The following GRIA3 variants were observed in gnomAD, a reference collection of about 807,000 sequenced individuals.
GRIA3 encodes the protein glutamate receptor 3.
In GRIA3, 3 loss-of-function variants were observed where a neutral mutation model predicts 63.0. The observed-to-expected ratio is 0.05, with a 90% confidence interval of 0.02 to 0.12. The LOEUF (loss-of-function observed/expected upper bound fraction) is 0.12, where lower values mean the gene tolerates loss of function less well. Ranked by LOEUF, GRIA3 falls within the 10% of genes least tolerant of loss-of-function variation. The probability of loss-of-function intolerance (pLI) is 1.00; values close to 1 mark genes in which losing one functional copy is unlikely to be tolerated. For synonymous variants in GRIA3, 274 were observed against 257.9 expected (o/e 1.06, Z -0.60); for missense variants, 347 against 700.9 (o/e 0.50, Z 5.70).
At chrX:123,286,364 G>C (rs1410667315) in intron 3 of GRIA3, among the ~76,000 whole-genome samples, 1 of 111,393 alleles carries the variant, frequency 9.0e-6, no homozygotes, top group African/African-American at 3.3e-5. Context: ...AAGAACTAGA[G>C]AAGCAAGAGC....
chrX:123,278,371 G>A (rs761967303), intron 3 of GRIA3, among the ~76,000 whole-genome samples: 4 of 112,215 alleles, frequency 3.6e-5, no homozygotes, highest in Non-Finnish European at 5.6e-5. Context: ...CATGCTGTAG[G>A]TTGTGTCCCC....
chrX:123,476,451 G>A (rs2045887598), intron 13 of GRIA3, among the ~76,000 whole-genome samples: 1 of 111,771 alleles, frequency 8.9e-6, no homozygotes, highest in East Asian at 2.8e-4. Flanking sequence ...CAGTAAGAAA[G>A]AAAACTATGT....
intron 5 of GRIA3, among the ~76,000 whole-genome samples, chrX:123,375,706 A>G (rs2045281182): frequency 8.9e-6 from 1 of 112,005 alleles, no homozygotes. Context: ...GCAATATGTG[A>G]TGGAAAAGTG....
intron 10 of GRIA3, among the ~76,000 whole-genome samples, chrX:123,411,082 G>A (rs2045502983): frequency 9.0e-6 from 1 of 111,550 alleles, no homozygotes; most frequent in Non-Finnish European, 1.9e-5. Context: ...CAATAAATCA[G>A]TTTAAGTCTT....
chrX:123,376,159 G>T lies in GRIA3; in HGVS notation c.751-18809G>T, dbSNP rs1252734370. Among the ~76,000 whole-genome samples the T allele has an allele frequency of 3.6e-5, 4 of 111,857 alleles. No individual in the cohort carries two copies. The Admixed American group carries it at 3.8e-4, about 11-fold the overall frequency. ...TTGGTTACTAAGCTCTGCCACATTA[G>T]TGTCTTTACTTATGTTGTCTGAAGA... On this transcript the variant is annotated intron_variant, in intron 5 of 15. Transcript: ENST00000620443.
intron 10 of GRIA3, among the ~76,000 whole-genome samples, chrX:123,406,981 C>T (rs1264118911): frequency 2.7e-5 from 3 of 112,101 alleles, no homozygotes; most frequent in Middle Eastern, 4.6e-3. Context: ...CTCACCCTTG[C>T]TCTTGGCACA....
chrX:123,186,921 C>A (rs974494305), intron 2 of GRIA3, among the ~76,000 whole-genome samples: 1 of 111,996 alleles, frequency 8.9e-6, no homozygotes, highest in Non-Finnish European at 1.9e-5. Context: ...CCAAAGGAAC[C>A]TAAATGGCTA....
rs567394259 is a variant in GRIA3, at chrX:123,393,632, T to C, written c.751-1336T>C. 2.7e-5 allele frequency among the ~76,000 whole-genome samples: 3 copies of C among 112,529 alleles called. No homozygotes were observed. In the South Asian group the frequency reaches 1.1e-3, roughly 41 times the overall value. On this transcript the variant is annotated intron_variant, in intron 5 of 15. Coordinates refer to ENST00000620443, the MANE Select transcript of GRIA3 (RefSeq NM_007325.5). ...GTGAAGTATACTAATGTCTCCAACT[T>C]ACTTTGAAATGAACCCCAAAGTGAA...
At chrX:123,327,560 C>T (rs902047905) in intron 4 of GRIA3, among the ~76,000 whole-genome samples, 1 of 110,289 alleles carries the variant, frequency 9.1e-6, no homozygotes, top group African/African-American at 3.3e-5. Flanking sequence ...GATATGCCCC[C>T]ATAAGAAGAG....
At position 123,285,768 on chromosome X, in the gene GRIA3, C is replaced by G. The variant is rs1394778527; in HGVS notation, c.508+32226C>G. Reference sequence around the variant, plus strand: ...GACAGGAGTACCCAGATTCATAAAGCAAGTTCTTAGAGACCTACAAAGAGA... The same window carrying G: ...GACAGGAGTACCCAGATTCATAAAGGAAGTTCTTAGAGACCTACAAAGAGA... On this transcript the variant is annotated intron_variant, in intron 3 of 15. Coordinates refer to ENST00000620443, the MANE Select transcript of GRIA3 (RefSeq NM_007325.5). Among the ~76,000 whole-genome samples, 4 of 110,451 alleles carry G rather than the reference C, an allele frequency of 3.6e-5. No homozygotes were observed. The Admixed American group carries it at 3.9e-4, about 11-fold the overall frequency.
chrX:123,349,834 A>C (rs2045081547), intron 4 of GRIA3, among the ~76,000 whole-genome samples: 1 of 112,307 alleles, frequency 8.9e-6, no homozygotes. Context: ...ATTTACGAAG[A>C]CTCAGGCAAT....
intron 15 of GRIA3, among the ~76,000 whole-genome samples, chrX:123,483,364 T>A (rs186884637): frequency 8.9e-6 from 1 of 111,904 alleles, no homozygotes; most frequent in African/African-American, 3.2e-5. Flanking sequence ...AGTCATATGT[T>A]AAAAAGTAAA....
intron 2 of GRIA3, among the ~76,000 whole-genome samples, chrX:123,237,707 T>G (rs1323098359): frequency 1.8e-5 from 2 of 112,469 alleles, no homozygotes; most frequent in African/African-American, 6.5e-5. Context: ...CACATAAAAG[T>G]TACAAGTTAA....
At chrX:123,244,939 T>G (rs1474656010) in intron 2 of GRIA3, among the ~76,000 whole-genome samples, 5 of 112,322 alleles carry the variant, frequency 4.5e-5, no homozygotes, top group Admixed American at 9.4e-5. Flanking sequence ...TTTTGATTGA[T>G]CAGTTGAAAC....
At chrX:123,436,951 G>A (rs1225327609) in intron 12 of GRIA3, among the ~76,000 whole-genome samples, 2 of 110,702 alleles carry the variant, frequency 1.8e-5, no homozygotes, top group Non-Finnish European at 3.8e-5. Flanking sequence ...TCATGCAGAA[G>A]CCTAAAAACT....
chrX:123,318,762 C>A (rs930429632), intron 3 of GRIA3, among the ~76,000 whole-genome samples: 2 of 112,086 alleles, frequency 1.8e-5, no homozygotes, highest in African/African-American at 6.5e-5. Context: ...GTTCCAACCT[C>A]TGTCTGTTAC....
At chrX:123,272,553 C>A (rs1360471707) in intron 3 of GRIA3, among the ~76,000 whole-genome samples, 1 of 111,473 alleles carries the variant, frequency 9.0e-6, no homozygotes, top group Non-Finnish European at 1.9e-5. Flanking sequence ...TTTCTTGCCT[C>A]CAGAAATCCT....
At chrX:123,366,089 A>G (rs1427741237) in intron 5 of GRIA3, among the ~76,000 whole-genome samples, 1 of 111,572 alleles carries the variant, frequency 9.0e-6, no homozygotes, top group Non-Finnish European at 1.9e-5. Context: ...TGTAGCAATG[A>G]GGACAACCAG....
chrX:123,328,213 T>C (rs762071978), intron 4 of GRIA3, among the ~76,000 whole-genome samples: 2 of 111,757 alleles, frequency 1.8e-5, no homozygotes, highest in Non-Finnish European at 3.8e-5. Flanking sequence ...ATCTACATAA[T>C]GGAGAAAATA....
Sources: allele counts gnomAD v4.1 joint callset (sites outside exome capture counted in the v4.1 genomes callset), GRCh38; gene constraint gnomAD v4.1.1; transcripts MANE v1.5; gene names NCBI Gene and HGNC (gene_info 2026-07-23, HGNC 2026-07-21).